CENPP: variants seen among roughly 807,000 people sequenced by gnomAD.
The protein encoded by CENPP is centromere protein P.
A neutral mutation model predicts 35.6 loss-of-function variants in CENPP; 24 were observed. The observed-to-expected ratio is 0.67, with a 90% CI of 0.49 to 0.95. The LOEUF (loss-of-function observed/expected upper bound fraction) is 0.95. CENPP is among the 40% of genes least tolerant of loss of function. CENPP has a pLI of 0.00. For missense variants in CENPP, 332 were observed against 345.3 expected, an observed-to-expected ratio of 0.96 and a Z score of 0.31; for synonymous variants, 120 against 125.5, an observed-to-expected ratio of 0.96 and a Z score of 0.29.
intron 5 of CENPP, among the ~76,000 whole-genome samples, chr9:92,411,545 T>C (rs1313753895): frequency 6.6e-6 from 1 of 152,148 alleles, no homozygotes; most frequent in South Asian, 2.1e-4. Flanking sequence ...TCAGCCCACC[T>C]CAGCCTCCCA....
chr9:92,416,602 A>C (rs1843620035), intron 5 of CENPP: 3 of 1,412,594 alleles, frequency 2.1e-6, no homozygotes, highest in Non-Finnish European at 1.9e-6. Context: ...TTCAAAACAC[A>C]ATAAAAGTCT....
intron 5 of CENPP, among the ~76,000 whole-genome samples, chr9:92,558,225 A>C (rs1849769274): frequency 6.6e-6 from 1 of 152,122 alleles, no homozygotes. Context: ...TTGTTTTGTC[A>C]TATTACCAGG....
At chr9:92,599,036 G>A (rs531180556) in intron 5 of CENPP, among the ~76,000 whole-genome samples, 16 of 152,036 alleles carry the variant, frequency 1.1e-4, no homozygotes, top group African/African-American at 3.6e-4. Context: ...AGAGGCGGAG[G>A]TTGCAGTGAA....
intron 5 of CENPP, among the ~76,000 whole-genome samples, chr9:92,442,967 G>A (rs1306550774): frequency 6.6e-6 from 1 of 151,992 alleles, no homozygotes; most frequent in Non-Finnish European, 1.5e-5. Context: ...ATAACATGAG[G>A]AAATACTCAA....
chr9:92,602,265 T>C (rs1269109148), intron 5 of CENPP, among the ~76,000 whole-genome samples: 1 of 152,140 alleles, frequency 6.6e-6, no homozygotes, highest in East Asian at 1.9e-4. Context: ...AAGGAGAAGC[T>C]CTTTCTGCTG....
At position 92,566,837 on chromosome 9, in the gene CENPP, A is replaced by T. The variant is rs1394210784; in HGVS notation, c.565-44477A>T. ...AAGAATTAATGGCTGAAAACTTCCC[A>T]CATTTGTTGAACAACGTGAATATAA... On this transcript the variant is annotated intron_variant, in intron 5 of 7. Transcript: ENST00000375587. Among the ~76,000 whole-genome samples, 3 of 152,232 alleles carry T rather than the reference A, an allele frequency of 2.0e-5. No individual in the cohort carries two copies. In the South Asian group the frequency reaches 6.2e-4, roughly 31 times the overall value.
In CENPP at chr9:92,607,863, G is replaced by A. The variant is rs114115598; in HGVS notation, c.565-3451G>A. ...AGTGGGTCTCAGGTGTAAAACTGGG[G>A]CTGGATATCAAATTGCCAACATTCT... is the stretch of plus-strand genomic sequence containing the variant. On this transcript the variant is annotated intron_variant, in intron 5 of 7. Transcript: ENST00000375587. Among the ~76,000 whole-genome samples, 409 of 152,302 alleles carry A rather than the reference G, an allele frequency of 2.7e-3. 1 individual carries two copies. Among genetic ancestry groups the A allele is most frequent in the African/African-American group, 9.6e-3 (398 of 41,554 alleles).
At chr9:92,577,735 A>G (rs1222421187) in intron 5 of CENPP, among the ~76,000 whole-genome samples, 1 of 152,152 alleles carries the variant, frequency 6.6e-6, no homozygotes, top group Non-Finnish European at 1.5e-5. Context: ...GGGAAGATTG[A>G]GCCCAGGAGT....
At chr9:92,543,637 G>A (rs1310108969) in intron 5 of CENPP, among the ~76,000 whole-genome samples, 1 of 151,950 alleles carries the variant, frequency 6.6e-6, no homozygotes, top group Non-Finnish European at 1.5e-5. Context: ...GAACACTTTG[G>A]GTAGTATAGT....
At chr9:92,334,567 A>G (rs1394784850) in intron 2 of CENPP, among the ~76,000 whole-genome samples, 2 of 152,050 alleles carry the variant, frequency 1.3e-5, no homozygotes, top group Non-Finnish European at 2.9e-5. Flanking sequence ...TTAAAAATGC[A>G]CCCTTACTCA....
intron 5 of CENPP, among the ~76,000 whole-genome samples, chr9:92,560,060 C>T (rs1293865251): frequency 6.6e-6 from 1 of 152,162 alleles, no homozygotes; most frequent in Non-Finnish European, 1.5e-5. Flanking sequence ...GGATCAATCA[C>T]TTGAGCCCAG....
chr9:92,541,087 C>A (rs1407324436), intron 5 of CENPP, among the ~76,000 whole-genome samples: 3 of 151,842 alleles, frequency 2.0e-5, no homozygotes, highest in Non-Finnish European at 4.4e-5. Flanking sequence ...TGGTGAAACC[C>A]CATCTCTACT....
At chr9:92,596,267 A>C (rs1305862442) in intron 5 of CENPP, among the ~76,000 whole-genome samples, 1 of 152,006 alleles carries the variant, frequency 6.6e-6, no homozygotes, top group African/African-American at 2.4e-5. Flanking sequence ...CCAAGTAGCT[A>C]GGGCTACAGG....
intron 5 of CENPP, chr9:92,600,631 G>T: frequency 1.3e-6 from 2 of 1,499,436 alleles, no homozygotes; most frequent in Non-Finnish European, 1.8e-6. Flanking sequence ...GTCATGCCCT[G>T]GTCGGCCATC....
chr9:92,345,555 G>T, intron 3 of CENPP, 144 bp from the exon 4 acceptor site: 2 of 561,060 alleles, frequency 3.6e-6, no homozygotes, highest in Non-Finnish European at 6.2e-6. Flanking sequence ...TAGTGAGATT[G>T]AACTTTTTTT....
intron 5 of CENPP, among the ~76,000 whole-genome samples, chr9:92,583,570 C>T (rs1408968919): frequency 3.3e-5 from 5 of 151,808 alleles, no homozygotes; most frequent in African/African-American, 9.7e-5. Context: ...ATTATGGGTG[C>T]TTTATTTCAT....
At chr9:92,509,410 A>C (rs987952804) in intron 5 of CENPP, among the ~76,000 whole-genome samples, 80 of 152,184 alleles carry the variant, frequency 5.3e-4, no homozygotes, top group Non-Finnish European at 7.3e-5. Flanking sequence ...TTTTGTTTTT[A>C]GGTTCCAACA....
chr9:92,362,704 G>T (rs1430767670), intron 4 of CENPP, among the ~76,000 whole-genome samples: 1 of 152,092 alleles, frequency 6.6e-6, no homozygotes, highest in Admixed American at 6.5e-5. Flanking sequence ...TAGCATCTAT[G>T]ATTATTCCTA....
chr9:92,479,954 G>A (rs1278764778), intron 5 of CENPP, among the ~76,000 whole-genome samples: 1 of 152,066 alleles, frequency 6.6e-6, no homozygotes. Flanking sequence ...CTAGATAGCA[G>A]TATTTTTTTC....
Sources: allele counts gnomAD v4.1 joint callset (sites outside exome capture counted in the v4.1 genomes callset), GRCh38; gene constraint gnomAD v4.1.1; transcripts MANE v1.5; gene names NCBI Gene and HGNC (gene_info 2026-07-23, HGNC 2026-07-21).